The following KSR2 variants were observed in gnomAD, a reference collection of about 807,000 sequenced individuals.
KSR2 encodes kinase suppressor of ras 2.
A neutral mutation model predicts 107.8 loss-of-function variants in KSR2; 25 were observed. The ratio of observed to expected loss-of-function variants is 0.23; its 90% CI spans 0.17 to 0.32. KSR2 has a LOEUF of 0.32. Among genes scored for constraint, KSR2 ranks in the 10% least tolerant of loss-of-function variants. KSR2 has a pLI of 1.00. For missense variants in KSR2, 887 were observed against 1,268.9 expected (o/e 0.70, Z 4.57); for synonymous variants, 480 against 507.0 (o/e 0.95, Z 0.71).
At chr12:117,824,498 TATTAA>T (rs1169788366) in intron 3 of KSR2, among the ~76,000 whole-genome samples, 1 of 152,214 alleles carries the variant, frequency 6.6e-6, no homozygotes, top group African/African-American at 2.4e-5. Context: ...TATATGAATG[TATTAA>T]ATTGTCACAT....
chr12:117,714,199 G>A (rs953769096), intron 4 of KSR2, among the ~76,000 whole-genome samples: 5 of 152,072 alleles, frequency 3.3e-5, no homozygotes, highest in Non-Finnish European at 5.9e-5. Context: ...TTTTTGGAGC[G>A]GCAGGTGGAA....
rs1320654348 is a variant in KSR2 at position 117,620,509 on chromosome 12, C to CA, written c.1172-38151dup. Reference sequence around the variant, plus strand: ...TGACAGAAGAAAAACACAAAGGAAACAAAAAGAAATACAGACATTATGGAA... The same window carrying CA: ...TGACAGAAGAAAAACACAAAGGAAACAAAAAAGAAATACAGACATTATGGAA... On this transcript the variant is annotated intron_variant, in intron 5 of 19. Transcript: ENST00000339824. 5.9e-5 allele frequency among the ~76,000 whole-genome samples: 9 copies of CA among 152,196 alleles called. No individual in the cohort carries two copies. The East Asian group carries it at 1.7e-3, about 29-fold the overall frequency.
intron 4 of KSR2, among the ~76,000 whole-genome samples, chr12:117,668,829 C>T (rs1014147613): frequency 1.3e-5 from 2 of 152,148 alleles, no homozygotes; most frequent in Non-Finnish European, 2.9e-5. Context: ...GTTTGGTTCT[C>T]CTCTTGGGGA....
intron 5 of KSR2, among the ~76,000 whole-genome samples, chr12:117,646,472 G>A (rs75060782): frequency 0.031 from 4,708 of 152,216 alleles, 241 homozygotes; most frequent in African/African-American, 0.11. Flanking sequence ...TGACCCTACC[G>A]GGGCTCGCAG....
In KSR2 at chr12:117,573,790, A is replaced by G. The variant is rs1814112361; in HGVS notation, c.1325+5329T>C. On this transcript the variant is annotated intron_variant, in intron 7 of 19. Coordinates refer to ENST00000339824, the MANE Select transcript of KSR2 (RefSeq NM_173598.6). ...ATGATCCACCCGCTTCAGCCACCCA[A>G]AGTGCTGGGATTACAGGCATGAGCC... Among the ~76,000 whole-genome samples the G allele has an allele frequency of 1.3e-5, 2 of 151,930 alleles. 1 individual carries two copies. Among genetic ancestry groups the G allele is most frequent in the South Asian group, 4.2e-4 (2 of 4,796 alleles).
intron 1 of KSR2, among the ~76,000 whole-genome samples, chr12:117,936,063 G>A (rs1895827892): frequency 6.6e-6 from 1 of 151,496 alleles, no homozygotes. Flanking sequence ...TTGAGACAGG[G>A]TCTTTCTCTG....
chr12:117,698,119 G>A (rs1341546239), intron 4 of KSR2, among the ~76,000 whole-genome samples: 1 of 152,154 alleles, frequency 6.6e-6, no homozygotes, highest in Admixed American at 6.5e-5. Flanking sequence ...CCAGCCCTCA[G>A]AAGGAATCAA....
chr12:117,580,404 G>A (rs535216243), intron 6 of KSR2, among the ~76,000 whole-genome samples: 68 of 152,310 alleles, frequency 4.5e-4, no homozygotes, highest in African/African-American at 1.4e-3. Flanking sequence ...GCGAAGGAGC[G>A]TGTATTTCAC....
At chr12:117,966,194 T>C (rs888178806) in intron 1 of KSR2, among the ~76,000 whole-genome samples, 1 of 152,066 alleles carries the variant, frequency 6.6e-6, no homozygotes, top group Non-Finnish European at 1.5e-5. Flanking sequence ...TATCAGAGGA[T>C]GGAGCATGTT....
At chr12:117,733,501 C>T (rs1887811795) in intron 4 of KSR2, among the ~76,000 whole-genome samples, 1 of 152,202 alleles carries the variant, frequency 6.6e-6, no homozygotes, top group Non-Finnish European at 1.5e-5. Flanking sequence ...TTTATTGGAA[C>T]ACAGCCATGC....
intron 9 of KSR2, among the ~76,000 whole-genome samples, chr12:117,548,367 G>A (rs924342653): frequency 3.3e-5 from 5 of 152,090 alleles, no homozygotes; most frequent in African/African-American, 9.7e-5. Context: ...ACATGAAAAC[G>A]ACAAGGATGA....
intron 5 of KSR2, among the ~76,000 whole-genome samples, chr12:117,599,665 A>G (rs1180108891): frequency 2.0e-5 from 3 of 151,940 alleles, no homozygotes; most frequent in African/African-American, 7.3e-5. Context: ...GACCAAGAAA[A>G]ATATCTCTAA....
intron 3 of KSR2, among the ~76,000 whole-genome samples, chr12:117,808,026 T>C (rs1891070420): frequency 6.6e-6 from 1 of 152,232 alleles, no homozygotes; most frequent in Non-Finnish European, 1.5e-5. Flanking sequence ...TGTTGAACTT[T>C]CATAATCTCT....
chr12:117,621,779 C>T (rs578240696), intron 5 of KSR2, among the ~76,000 whole-genome samples: 1 of 152,082 alleles, frequency 6.6e-6, no homozygotes, highest in East Asian at 1.9e-4. Context: ...TTCTTGTGAG[C>T]CCAAAATTAT....
intron 4 of KSR2, among the ~76,000 whole-genome samples, chr12:117,701,783 C>T (rs1378240029): frequency 6.6e-6 from 1 of 152,114 alleles, no homozygotes; most frequent in South Asian, 2.1e-4. Flanking sequence ...AGGATTCAGC[C>T]ACAAGCCAAG....
intron 4 of KSR2, among the ~76,000 whole-genome samples, chr12:117,684,552 A>T (rs992674393): frequency 6.6e-6 from 1 of 151,974 alleles, no homozygotes; most frequent in African/African-American, 2.4e-5. Flanking sequence ...CTCTATACAT[A>T]TTTCCAATAG....
intron 16 of KSR2, among the ~76,000 whole-genome samples, chr12:117,482,389 T>G (rs1002704923): frequency 1.3e-5 from 2 of 152,154 alleles, no homozygotes; most frequent in African/African-American, 2.4e-5. Context: ...GACAATACCT[T>G]GTTTTAAGCC....
At chr12:117,861,244 T>G (rs1893279149) in intron 1 of KSR2, among the ~76,000 whole-genome samples, 1 of 152,138 alleles carries the variant, frequency 6.6e-6, no homozygotes, top group Admixed American at 6.5e-5. Context: ...CGAAGCAGGC[T>G]CTGTACTGCC....
At chr12:117,692,652 A>G (rs1478647556) in intron 4 of KSR2, among the ~76,000 whole-genome samples, 1 of 151,890 alleles carries the variant, frequency 6.6e-6, no homozygotes, top group Non-Finnish European at 1.5e-5. Context: ...GAAACAACCC[A>G]AATGTCCATC....
Sources: allele counts gnomAD v4.1 joint callset (sites outside exome capture counted in the v4.1 genomes callset), GRCh38; gene constraint gnomAD v4.1.1; transcripts MANE v1.5; gene names NCBI Gene and HGNC (gene_info 2026-07-23, HGNC 2026-07-21).